Variants in TRIT1 observed in about 807,000 individuals in gnomAD.
The protein encoded by TRIT1 is tRNA isopentenyltransferase 1, also known as tRNA dimethylallyltransferase.
In TRIT1, 43 loss-of-function variants were observed where a neutral mutation model predicts 51.2. The ratio of observed to expected loss-of-function variants is 0.84; its 90% confidence interval spans 0.66 to 1.08. The LOEUF (loss-of-function observed/expected upper bound fraction) is 1.08. TRIT1 is among the 50% of genes least tolerant of loss of function. The pLI is 0.00. For missense variants in TRIT1, 528 were observed against 578.4 expected, an observed-to-expected ratio of 0.91 and a Z score of 0.89; for synonymous variants, 184 against 203.9, an observed-to-expected ratio of 0.90 and a Z score of 0.83.
chr1:39,883,421 G>C lies in TRIT1; in HGVS notation c.71C>G (p.Pro24Arg), dbSNP rs1328545531. The C allele has an allele frequency of 8.1e-6, 13 of 1,613,648 alleles. No homozygotes were observed. In the Admixed American group the frequency reaches 2.0e-4, roughly 25 times the overall value. Reference protein sequence around the residue: ...SGLRGLQRTLPLVVILGATGT... With the variant: ...SGLRGLQRTLRLVVILGATGT... ...CGTGGCCCCGAGAATCACTACAAGA[G>C]GTAGGGTCCGTTGCAGGCCCCTGAG... The change falls in exon 1 of 11, where the codon CCT (proline) becomes CGT (arginine). Residue 24 changes from proline to arginine, a missense_variant. This residue lies in a region of TRIT1 where 55 missense variants were observed against 37.0 expected (regional missense o/e 1.49). Coordinates refer to ENST00000316891, the MANE Select transcript of TRIT1 (RefSeq NM_017646.6).
At position 39,852,092 on chromosome 1, in the gene TRIT1, GAT is replaced by G. The variant is rs1642612567; in HGVS notation, c.560+637_560+638del. On this transcript the variant is annotated intron_variant, in intron 4 of 10. Coordinates refer to ENST00000316891, the MANE Select transcript of TRIT1 (RefSeq NM_017646.6). Reference sequence around the variant, plus strand: ...TACTTCACAACCCCTATGAATATGAGATGTTACTTTAATATTTAATCTGTATA... The same window carrying G: ...TACTTCACAACCCCTATGAATATGAGGTTACTTTAATATTTAATCTGTATA... Among the ~76,000 whole-genome samples the G allele has an allele frequency of 2.0e-5, 3 of 152,022 alleles. No individual in the cohort carries two copies. The South Asian group carries it at 6.2e-4, about 32-fold the overall frequency.
chr1:39,847,330 G>T (rs772060882), intron 7 of TRIT1, 33 bp from the exon 8 acceptor site: 1 of 1,601,814 alleles, frequency 6.2e-7, no homozygotes, highest in Non-Finnish European at 8.6e-7. Flanking sequence ...GAACATCTAG[G>T]TAAGCACTCC....
At chr1:39,871,788 G>T (rs758369498) in intron 1 of TRIT1, among the ~76,000 whole-genome samples, 1 of 152,160 alleles carries the variant, frequency 6.6e-6, no homozygotes, top group Non-Finnish European at 1.5e-5. Flanking sequence ...ATTTTTTAGG[G>T]TGATAGAACT....
intron 1 of TRIT1, among the ~76,000 whole-genome samples, chr1:39,869,563 C>T (rs1643757592): frequency 6.6e-6 from 1 of 151,900 alleles, no homozygotes; most frequent in East Asian, 2.0e-4. Flanking sequence ...CCTGGCCACC[C>T]ATCGTCTGGG....
At chr1:39,848,132 G>C in intron 5 of TRIT1, 35 bp from the exon 6 acceptor site, 2 of 1,528,970 alleles carry the variant, frequency 1.3e-6, no homozygotes, top group South Asian at 2.2e-5. Context: ...CAGCAAGCAA[G>C]TTGTAGGTAC....
chr1:39,871,524 G>A (rs1643883318), intron 1 of TRIT1, among the ~76,000 whole-genome samples: 1 of 147,172 alleles, frequency 6.8e-6, no homozygotes, highest in South Asian at 2.2e-4. Context: ...AGGCTGCAGT[G>A]AGCCGAGATG....
intron 1 of TRIT1, among the ~76,000 whole-genome samples, chr1:39,871,162 C>A: frequency 6.6e-6 from 1 of 152,036 alleles, no homozygotes; most frequent in Admixed American, 6.5e-5. Flanking sequence ...CACTGCACCC[C>A]AGCCTGGGCA....
chr1:39,843,312 G>T (rs1449264210), intron 10 of TRIT1, among the ~76,000 whole-genome samples: 1 of 152,138 alleles, frequency 6.6e-6, no homozygotes, highest in African/African-American at 2.4e-5. Flanking sequence ...GCCCCACTGT[G>T]CCTGAAAGCA....
chr1:39,864,892 G>A (rs1219689732), intron 1 of TRIT1, among the ~76,000 whole-genome samples: 1 of 152,084 alleles, frequency 6.6e-6, no homozygotes, highest in East Asian at 1.9e-4. Context: ...GCTGCCCCCT[G>A]GTTTGGTTCC....
chr1:39,852,229 C>T (rs548617352), intron 4 of TRIT1, among the ~76,000 whole-genome samples: 38 of 152,050 alleles, frequency 2.5e-4, no homozygotes, highest in Admixed American at 9.2e-4. Context: ...TCCAAAACAA[C>T]CTAAAAAAAC....
At chr1:39,844,074 T>G in intron 10 of TRIT1, 27 bp downstream of exon 10, 1 of 1,545,044 alleles carries the variant, frequency 6.5e-7, no homozygotes, top group East Asian at 2.3e-5. Flanking sequence ...CCTTATAGAT[T>G]TCTTCATGCC....
chr1:39,852,544 G>A (rs2124606536), intron 4 of TRIT1, 187 bp downstream of exon 4: 1 of 662,842 alleles, frequency 1.5e-6, no homozygotes, highest in East Asian at 2.6e-5. Context: ...AAAGTAGGCT[G>A]CAATTATTTA....
rs1641907738 is a variant in TRIT1, at chr1:39,841,641, AG to A, written c.*102del. ...TGGTGGGAGCTTTTCTGCTATGCAG[AG>A]AATTCCGCATAGCACTCCTTTGCCC... On this transcript the variant is annotated 3_prime_UTR_variant, in exon 11 of 11. Coordinates refer to ENST00000316891, the MANE Select transcript of TRIT1 (RefSeq NM_017646.6). 8.1e-7 allele frequency: 1 copy of A among 1,227,720 alleles called. No individual in the cohort carries two copies. Among genetic ancestry groups the A allele is most frequent in the Non-Finnish European group, 1.1e-6 (1 of 897,584 alleles). The allele number at this position is 1,227,720 out of a possible 1,614,324, so 76.1% of individuals were successfully genotyped here.
chr1:39,880,175 A>AAAC (rs10628850), intron 1 of TRIT1, among the ~76,000 whole-genome samples: 119,105 of 147,218 alleles, frequency 0.81, 48,285 homozygotes, highest in East Asian at 0.99. Flanking sequence ...CTCCGTCTCA[A>AAAC]AACAACAACA....
chr1:39,857,179 C>A (rs1390238250), intron 2 of TRIT1, 98 bp downstream of exon 2: 12 of 1,418,760 alleles, frequency 8.5e-6, no homozygotes, highest in African/African-American at 1.4e-5. Flanking sequence ...GCCTTGGGTG[C>A]CCCTTCTGAG....
rs1301554083 is a variant in TRIT1, at chr1:39,840,793, AT to A, written c.*950del. On this transcript the variant is annotated 3_prime_UTR_variant, in exon 11 of 11. Transcript: ENST00000316891. ...TATTTGATGTTATATATAAATAAGT[AT>A]CTGTTTAACATTGCTGGCAGCTCAG... Among the ~76,000 whole-genome samples the A allele has an allele frequency of 6.6e-6, 1 of 152,210 alleles. No individual in the cohort carries two copies. The highest frequency in any genetic ancestry group is 2.4e-5 in the African/African-American group (1 of 41,466).
intron 1 of TRIT1, among the ~76,000 whole-genome samples, chr1:39,874,746 A>G (rs916201455): frequency 2.6e-5 from 4 of 151,234 alleles, no homozygotes; most frequent in Non-Finnish European, 5.9e-5. Context: ...GCTCACTGCA[A>G]CCTCCGCCTC....
intron 1 of TRIT1, among the ~76,000 whole-genome samples, chr1:39,874,249 A>T (rs2124677276): frequency 6.6e-6 from 1 of 152,242 alleles, no homozygotes; most frequent in Admixed American, 6.5e-5. Context: ...GGGCCAAATA[A>T]TTCTGTTATG....
At chr1:39,880,268 T>TTAAA (rs1553148796) in intron 1 of TRIT1, among the ~76,000 whole-genome samples, 2 of 94,888 alleles carry the variant, frequency 2.1e-5, no homozygotes, top group East Asian at 3.2e-4. Flanking sequence ...AGACCTCAAA[T>TTAAA]AAAAAAAAAA....
Sources: allele counts gnomAD v4.1 joint callset (sites outside exome capture counted in the v4.1 genomes callset), GRCh38; gene constraint gnomAD v4.1.1; regional missense constraint gnomAD v4.1.1; transcripts MANE v1.5; gene names NCBI Gene and HGNC (gene_info 2026-07-23, HGNC 2026-07-21).